The following DNAH12 variants were observed in gnomAD, a reference collection of about 807,000 sequenced individuals.
The protein encoded by DNAH12 is dynein axonemal heavy chain 12, also known as axonemal beta dynein heavy chain 12.
A neutral mutation model predicts 371.5 loss-of-function variants in DNAH12; 285 were observed. That is an observed-to-expected ratio of 0.77 (90% CI 0.70 to 0.85). DNAH12 has a LOEUF of 0.85. Among genes scored for constraint, DNAH12 ranks in the 40% least tolerant of loss-of-function variants. DNAH12 has a pLI of 0.00. For synonymous variants in DNAH12, 1,200 were observed against 1,213.0 expected (o/e 0.99, Z 0.22); for missense variants, 3,611 against 3,689.4 (o/e 0.98, Z 0.55).
At chr3:57,478,112 G>A (rs2066600414) in intron 13 of DNAH12, among the ~76,000 whole-genome samples, 1 of 152,122 alleles carries the variant, frequency 6.6e-6, no homozygotes, top group South Asian at 2.1e-4. Context: ...GGCTTCAGAT[G>A]ATCAAACTAC....
chr3:57,295,590 C>T lies in DNAH12; in HGVS notation c.11627G>A (p.Gly3876Glu), dbSNP rs1456524641. Residue 3876 changes from glycine (G) to glutamate (E), a missense_variant and splice_region_variant, in exon 73 of 74, where the codon GGA becomes GAA. Physicochemically the swap from Gly to Glu is moderately conservative, Grantham distance 98. Transcript: ENST00000495027. ...LDGARWDRESGLLAEQYPKLL... is the reference protein window; with the variant it reads ...LDGARWDRESELLAEQYPKLL... The stretch of plus-strand genomic sequence containing the variant: ...TTTGGGATATTGTTCAGCAAGCAAT[C>T]CACTGTAACGAGAAATTGACAGAAA... 1 of 1,540,782 alleles carries T rather than the reference C, an allele frequency of 6.5e-7. No individual in the cohort carries two copies. The highest frequency in any genetic ancestry group is 1.4e-5 in the African/African-American group (1 of 72,634).
intron 2 of DNAH12, among the ~76,000 whole-genome samples, chr3:57,529,656 A>G (rs1268901655): frequency 6.6e-6 from 1 of 151,490 alleles, no homozygotes; most frequent in Non-Finnish European, 1.5e-5. Flanking sequence ...AGGTTTGTCT[A>G]TTTTGTTTAA....
chr3:57,356,169 C>T (rs963612156), intron 59 of DNAH12, among the ~76,000 whole-genome samples: 4 of 152,216 alleles, frequency 2.6e-5, no homozygotes, highest in Middle Eastern at 3.4e-3. Context: ...GGGCCAGGTG[C>T]AGTGGCTCAC....
rs188040154 is a variant in DNAH12 at position 57,460,082 on chromosome 3, C to T, written c.2737-296G>A. Reference sequence around the variant, plus strand: ...CCATCCAAGAATATATCCTTCTCTACCAGCAGTGGTTATCAACCACAGGCA... The same window carrying T: ...CCATCCAAGAATATATCCTTCTCTATCAGCAGTGGTTATCAACCACAGGCA... On this transcript the variant is annotated intron_variant, in intron 19 of 73. Transcript: ENST00000495027. Among the ~76,000 whole-genome samples, 908 of 152,180 alleles carry T rather than the reference C, an allele frequency of 6.0e-3. 6 individuals are homozygous for T. Among genetic ancestry groups the T allele is most frequent in the Middle Eastern group, 0.017 (5 of 292 alleles).
At chr3:57,361,578 G>A (rs1010641827) in intron 58 of DNAH12, among the ~76,000 whole-genome samples, 8 of 150,052 alleles carry the variant, frequency 5.3e-5, no homozygotes, top group Non-Finnish European at 1.0e-4. Context: ...CTGTCTTCCC[G>A]ACGAATGACA....
intron 11 of DNAH12, among the ~76,000 whole-genome samples, chr3:57,499,479 T>C (rs1321459260): frequency 6.7e-6 from 1 of 150,042 alleles, no homozygotes; most frequent in Non-Finnish European, 1.5e-5. Flanking sequence ...GTAGGTGGTA[T>C]GCTTTGTAAA....
At chr3:57,364,774 A>G (rs2063010071) in intron 57 of DNAH12, among the ~76,000 whole-genome samples, 2 of 152,232 alleles carry the variant, frequency 1.3e-5, no homozygotes, top group Admixed American at 6.5e-5. Flanking sequence ...TTTACAAGAA[A>G]AGACAAACAA....
Position 57,501,310 on chromosome 3 carries a change from T to C in DNAH12, c.1335+11A>G, listed in dbSNP as rs1456208537. On this transcript the variant is annotated intron_variant, in intron 11 of 73. Coordinates refer to ENST00000495027, the MANE Select transcript of DNAH12 (RefSeq NM_001366028.2). ...TCAAAACGCATTAATAAAAACAGAA[T>C]TACCGCTTACCTCTGTATATTCATC... 6.3e-7 allele frequency: 1 copy of C among 1,594,914 alleles called. No individual in the cohort carries two copies. Among genetic ancestry groups the C allele is most frequent in the Non-Finnish European group, 8.5e-7 (1 of 1,171,186 alleles).
chr3:57,348,341 T>TAA (rs2062592972), intron 60 of DNAH12, among the ~76,000 whole-genome samples: 1 of 152,038 alleles, frequency 6.6e-6, no homozygotes, highest in Non-Finnish European at 1.5e-5. Context: ...GAATCAGTGA[T>TAA]TGGCAGGGTT....
At position 57,393,478 on chromosome 3, in the gene DNAH12, T is replaced by C. The variant is rs1480779415; in HGVS notation, c.7110+693A>G. ...TCGTCTCTACTGAAAATACAAAAAT[T>C]AGCTGGGCCTGGTGGCAGGCGCCTG... On this transcript the variant is annotated intron_variant, in intron 44 of 73. Transcript: ENST00000495027. 2.0e-5 allele frequency among the ~76,000 whole-genome samples: 3 copies of C among 151,534 alleles called. No individual in the cohort carries two copies. The South Asian group carries it at 6.3e-4, about 32-fold the overall frequency.
chr3:57,337,281 G>T (rs1461723480), intron 60 of DNAH12, among the ~76,000 whole-genome samples: 1 of 151,134 alleles, frequency 6.6e-6, no homozygotes, highest in Admixed American at 6.6e-5. Context: ...CCATAGGCAG[G>T]AGGACTGCTT....
chr3:57,310,409 A>G (rs1000523430), intron 67 of DNAH12, among the ~76,000 whole-genome samples: 12 of 152,162 alleles, frequency 7.9e-5, no homozygotes, highest in African/African-American at 2.9e-4. Context: ...TTCTCCTGCT[A>G]ATTTGTTTTT....
intron 60 of DNAH12, among the ~76,000 whole-genome samples, chr3:57,343,612 C>T (rs976715746): frequency 3.9e-5 from 6 of 152,118 alleles, no homozygotes; most frequent in African/African-American, 1.2e-4. Context: ...AAGACCTGAC[C>T]GTCCCCCAGC....
chr3:57,297,381 A>G, intron 70 of DNAH12: 1 of 181,140 alleles, frequency 5.5e-6, no homozygotes, highest in South Asian at 1.2e-4. Context: ...TTTGAGATGA[A>G]ATCGCGCACC....
Position 57,372,983 on chromosome 3 carries a change from T to C in DNAH12, c.8759+2388A>G, listed in dbSNP as rs1448569021. ...CTAAAGGGACAAAACAGTGAGGAAA[T>C]AATGGATAACTCAACAAATAGTGCT... On this transcript the variant is annotated intron_variant, in intron 55 of 73. Coordinates refer to ENST00000495027, the MANE Select transcript of DNAH12 (RefSeq NM_001366028.2). Among the ~76,000 whole-genome samples, 10 of 152,256 alleles carry C rather than the reference T, an allele frequency of 6.6e-5. No homozygotes were observed. In the East Asian group the frequency reaches 1.5e-3, roughly 23 times the overall value.
rs2064005022 is a variant in DNAH12 at position 57,405,751 on chromosome 3, GATC to G, written c.6475_6477del (p.Asp2159del). The stretch of plus-strand genomic sequence containing the variant: ...TTAGTTAACTGGAACAGCCATCTTC[GATC>G]ATCATCATTAATGAGGCGATCATAA... On this transcript the variant is annotated inframe_deletion, in exon 41 of 74. Transcript: ENST00000495027. 6.4e-7 allele frequency: 1 copy of G among 1,551,520 alleles called. No homozygotes were observed.
chr3:57,461,041 G>A (rs945834802), intron 19 of DNAH12, among the ~76,000 whole-genome samples: 1 of 152,034 alleles, frequency 6.6e-6, no homozygotes, highest in Admixed American at 6.6e-5. Context: ...AAATAATCTT[G>A]GAGCCTCAAA....
chr3:57,429,795 A>C (rs1428165504), intron 32 of DNAH12, 21 bp from the exon 33 acceptor site: 12 of 1,492,702 alleles, frequency 8.0e-6, no homozygotes, highest in Non-Finnish European at 9.8e-6. Context: ...TTATTTTTCA[A>C]ATGTTTATTT....
chr3:57,530,183 C>T (rs948770854), intron 2 of DNAH12, among the ~76,000 whole-genome samples: 1 of 151,968 alleles, frequency 6.6e-6, no homozygotes, highest in African/African-American at 2.4e-5. Context: ...GTCACCATGC[C>T]CAGCCAGTAA....
Sources: allele counts gnomAD v4.1 joint callset (sites outside exome capture counted in the v4.1 genomes callset), GRCh38; gene constraint gnomAD v4.1.1; transcripts MANE v1.5; gene names NCBI Gene and HGNC (gene_info 2026-07-23, HGNC 2026-07-21).